The following CCDC85C variants were observed in gnomAD, a reference collection of about 807,000 sequenced individuals.
CCDC85C encodes coiled-coil domain-containing protein 85C.
A neutral mutation model predicts 38.3 loss-of-function variants in CCDC85C; 18 were observed. The ratio of observed to expected loss-of-function variants is 0.47; its 90% CI spans 0.33 to 0.70. CCDC85C has a LOEUF of 0.70. Among genes scored for constraint, CCDC85C ranks in the 30% least tolerant of loss-of-function variants. The pLI is 0.03. For synonymous variants in CCDC85C, 264 were observed against 293.8 expected (o/e 0.90, Z 1.04); for missense variants, 566 against 621.2 (o/e 0.91, Z 0.94).
Position 99,502,633 on chromosome 14 carries a change from G to C in CCDC85C, c.*12613C>G. On this transcript the variant is annotated 3_prime_UTR_variant, in exon 6 of 6. Coordinates refer to ENST00000380243, the MANE Select transcript of CCDC85C (RefSeq NM_001144995.2). ...TGTGATTCATGCTTAGGTCCTCGTAGGGGTATCATAACTGATTCTTTATCC... is the reference window on the plus strand; with the variant it reads ...TGTGATTCATGCTTAGGTCCTCGTACGGGTATCATAACTGATTCTTTATCC... The C allele has an allele frequency of 1.5e-6, 2 of 1,327,806 alleles. No individual in the cohort carries two copies. The highest frequency in any genetic ancestry group is 2.1e-6 in the Non-Finnish European group (2 of 943,936). 82.3% of individuals were successfully genotyped at this position (1,327,806 alleles called of 1,614,324 possible).
In CCDC85C at chr14:99,515,016, A is replaced by G. The variant is rs2139894338; in HGVS notation, c.*230T>C. Reference sequence around the variant, plus strand: ...GTCCGGGCCGCTCTGCTGCAGGAACAGTCGCAGCGTCTCGTCTTCCCAGGT... The same window carrying G: ...GTCCGGGCCGCTCTGCTGCAGGAACGGTCGCAGCGTCTCGTCTTCCCAGGT... On this transcript the variant is annotated 3_prime_UTR_variant, in exon 6 of 6. Transcript: ENST00000380243. 1 of 478,824 alleles carries G rather than the reference A, an allele frequency of 2.1e-6. No individual in the cohort carries two copies. Among genetic ancestry groups the G allele is most frequent in the South Asian group, 2.4e-5 (1 of 41,288 alleles). 29.7% of individuals were successfully genotyped at this position (478,824 alleles called of 1,614,324 possible).
Position 99,503,486 on chromosome 14 carries a change from T to C in CCDC85C, c.*11760A>G, listed in dbSNP as rs986079559. On this transcript the variant is annotated 3_prime_UTR_variant, in exon 6 of 6. Coordinates refer to ENST00000380243, the MANE Select transcript of CCDC85C (RefSeq NM_001144995.2). Reference sequence around the variant, plus strand: ...TTGCCCTGAAAGTTCAGGCTAGAAATAATTTTTGTCCGAGGCTGTTCACAG... The same window carrying C: ...TTGCCCTGAAAGTTCAGGCTAGAAACAATTTTTGTCCGAGGCTGTTCACAG... 1.3e-6 allele frequency: 1 copy of C among 746,726 alleles called. No homozygotes were observed. The highest frequency in any genetic ancestry group is 1.8e-5 in the African/African-American group (1 of 56,302). The allele number at this position is 746,726 out of a possible 1,614,324, so 46.3% of individuals were successfully genotyped here.
Position 99,510,283 on chromosome 14 carries a change from C to G in CCDC85C, c.*4963G>C. On this transcript the variant is annotated 3_prime_UTR_variant, in exon 6 of 6. Transcript: ENST00000380243. ...CCGGCCCCTGTGCACCAGCCACCGC[C>G]GCTGCCACACCGGCCCCCGCCCCCA... The G allele has an allele frequency of 3.2e-6, 5 of 1,566,654 alleles. No individual in the cohort carries two copies. Among genetic ancestry groups the G allele is most frequent in the Non-Finnish European group, 4.3e-6 (5 of 1,156,782 alleles).
intron 1 of CCDC85C, among the ~76,000 whole-genome samples, chr14:99,573,737 C>T: frequency 6.6e-6 from 1 of 152,226 alleles, no homozygotes; most frequent in South Asian, 2.1e-4. Flanking sequence ...CCCCATGACA[C>T]AGGGCAGAGG....
In CCDC85C at chr14:99,569,414, G is replaced by A. The variant is rs1595091707; in HGVS notation, c.794-33326C>T. ...GGGTTCCCTGGATGTCCACACCTGG[G>A]CCCCAGCTCCGCCAGGCTGCCCTGC... On this transcript the variant is annotated intron_variant, in intron 1 of 5. Coordinates refer to ENST00000380243, the MANE Select transcript of CCDC85C (RefSeq NM_001144995.2). The surrounding 1 kb of genome is among the most constrained non-coding windows in gnomAD (Gnocchi z 4.3). Among the ~76,000 whole-genome samples, 1 of 152,230 alleles carries A rather than the reference G, an allele frequency of 6.6e-6. No homozygotes were observed. Among genetic ancestry groups the A allele is most frequent in the South Asian group, 2.1e-4 (1 of 4,810 alleles).
intron 1 of CCDC85C, among the ~76,000 whole-genome samples, chr14:99,554,602 A>G (rs1346012454): frequency 6.6e-6 from 1 of 152,196 alleles, no homozygotes; most frequent in Non-Finnish European, 1.5e-5. Context: ...ACCCCGGTCA[A>G]TGGGAAGCCA....
Position 99,572,951 on chromosome 14 carries a change from G to A in CCDC85C, c.793+30216C>T, listed in dbSNP as rs188510208. ...TCTCTTAGCTCTGAGCCCTGCCTTCGCCTCCTACAAGATAGGATGGCAGCA... is the reference window on the plus strand; with the variant it reads ...TCTCTTAGCTCTGAGCCCTGCCTTCACCTCCTACAAGATAGGATGGCAGCA... On this transcript the variant is annotated intron_variant, in intron 1 of 5. Transcript: ENST00000380243. The surrounding 1 kb of genome is among the most constrained non-coding windows in gnomAD (Gnocchi z 4.4). 9.5e-5 allele frequency: 38 copies of A among 399,242 alleles called. No homozygotes were observed. The highest frequency in any genetic ancestry group is 7.9e-4 in the East Asian group (11 of 13,982). 24.7% of individuals were successfully genotyped at this position (399,242 alleles called of 1,614,324 possible).
At chr14:99,527,573 G>C (rs1001698364) in intron 2 of CCDC85C, among the ~76,000 whole-genome samples, 4 of 152,168 alleles carry the variant, frequency 2.6e-5, no homozygotes, top group African/African-American at 9.7e-5. Context: ...AGTTCACCCA[G>C]CAGCTCCCCA....
rs527384568 is a variant in CCDC85C, at chr14:99,592,009, C to T, written c.793+11158G>A. On this transcript the variant is annotated intron_variant, in intron 1 of 5. Coordinates refer to ENST00000380243, the MANE Select transcript of CCDC85C (RefSeq NM_001144995.2). ...TCAGCCTCCCAAAGTGCTGGAATGA[C>T]AGGCGCGAGCCACCACACCCAGCCA... 7.9e-5 allele frequency among the ~76,000 whole-genome samples: 12 copies of T among 152,308 alleles called. No individual in the cohort carries two copies. In the East Asian group the frequency reaches 2.1e-3, roughly 27 times the overall value.
chr14:99,587,269 C>A (rs1163880278), intron 1 of CCDC85C, among the ~76,000 whole-genome samples: 1 of 152,242 alleles, frequency 6.6e-6, no homozygotes, highest in African/African-American at 2.4e-5. Context: ...GATGAGTCAC[C>A]ATGGCCTGTC....
chr14:99,513,895 C>G lies in CCDC85C; in HGVS notation c.*1351G>C, dbSNP rs912652187. ...CACCCCCTCTAGGCCTTACTTTCCTCACACACACAGTTTTCTATTGCACTT... is the reference window on the plus strand; with the variant it reads ...CACCCCCTCTAGGCCTTACTTTCCTGACACACACAGTTTTCTATTGCACTT... On this transcript the variant is annotated 3_prime_UTR_variant, in exon 6 of 6. Coordinates refer to ENST00000380243, the MANE Select transcript of CCDC85C (RefSeq NM_001144995.2). The G allele has an allele frequency of 1.3e-5, 2 of 152,306 alleles. No individual in the cohort carries two copies. Among genetic ancestry groups the G allele is most frequent in the Non-Finnish European group, 2.9e-5 (2 of 68,104 alleles). 9.4% of individuals were successfully genotyped at this position (152,306 alleles called of 1,614,324 possible).
rs1896860690 is a variant in CCDC85C at position 99,502,577 on chromosome 14, T to TG, written c.*12668dup. On this transcript the variant is annotated 3_prime_UTR_variant, in exon 6 of 6. Transcript: ENST00000380243. ...GTAAACTAAAAATACACACCAGTGT[T>TG]GCACACAACGAAGATGGGGTGAGTT... 1 of 1,196,230 alleles carries TG rather than the reference T, an allele frequency of 8.4e-7. No individual in the cohort carries two copies. Among genetic ancestry groups the TG allele is most frequent in the South Asian group, 1.5e-5 (1 of 65,544 alleles). 74.1% of individuals were successfully genotyped at this position (1,196,230 alleles called of 1,614,324 possible). A position where few individuals can be genotyped will look rare whatever the true frequency, so the allele number is the denominator to read the frequency against.
intron 1 of CCDC85C, among the ~76,000 whole-genome samples, chr14:99,538,756 G>A (rs1254833742): frequency 6.6e-6 from 1 of 152,202 alleles, no homozygotes; most frequent in Non-Finnish European, 1.5e-5. Flanking sequence ...TGAGCAGTCC[G>A]CCCCCTCAGA....
In CCDC85C at chr14:99,514,273, G is replaced by C. The variant is rs1897185074; in HGVS notation, c.*973C>G. 1 of 152,566 alleles carries C rather than the reference G, an allele frequency of 6.6e-6. No homozygotes were observed. Among genetic ancestry groups the C allele is most frequent in the Non-Finnish European group, 1.5e-5 (1 of 68,304 alleles). The allele number at this position is 152,566 out of a possible 1,614,324, so 9.5% of individuals were successfully genotyped here. On this transcript the variant is annotated 3_prime_UTR_variant, in exon 6 of 6. Transcript: ENST00000380243. ...ACAAACTAAAGGCAGAACCTGGCCA[G>C]ACACGCTCCTTCCCAAAAAGAACAG...
At chr14:99,565,052 G>A (rs1294582970) in intron 1 of CCDC85C, among the ~76,000 whole-genome samples, 1 of 152,196 alleles carries the variant, frequency 6.6e-6, no homozygotes, top group African/African-American at 2.4e-5. Context: ...CTCTGATCAT[G>A]CAGCCAGGCG....
chr14:99,522,512 AGAAGAGCCAG>A (rs1897317331), intron 2 of CCDC85C: 3 of 307,060 alleles, frequency 9.8e-6, no homozygotes, highest in African/African-American at 7.0e-5. Flanking sequence ...GAATGAATGA[AGAAGAGCCAG>A]TGAGAGCGAG....
intron 3 of CCDC85C, among the ~76,000 whole-genome samples, chr14:99,521,211 C>G (rs1476212901): frequency 6.6e-6 from 1 of 152,364 alleles, no homozygotes. Flanking sequence ...CACCATGAAA[C>G]AGTTAGAGCC....
At position 99,528,234 on chromosome 14, in the gene CCDC85C, G is replaced by A. The variant is rs530156420; in HGVS notation, c.868-5994C>T. Among the ~76,000 whole-genome samples the A allele has an allele frequency of 7.4e-4, 112 of 152,220 alleles. 1 individual carries two copies. The South Asian group carries it at 0.019, about 26-fold the overall frequency. On this transcript the variant is annotated intron_variant, in intron 2 of 5. Transcript: ENST00000380243. ...CAGCTCTACCTGAAGCCAGCTTCTC[G>A]GGCGGCCGTAGGGGCGGGGCAGCTA...
intron 1 of CCDC85C, among the ~76,000 whole-genome samples, chr14:99,557,708 A>G (rs1898038954): frequency 6.6e-6 from 1 of 152,202 alleles, no homozygotes; most frequent in Non-Finnish European, 1.5e-5. Context: ...TGAGGCCAGG[A>G]GTTCGAGGCC....
Sources: gnomAD v4.1 joint callset for allele counts (sites outside exome capture counted in the v4.1 genomes callset) on GRCh38, gnomAD v4.1.1 for gene constraint, Gnocchi (gnomAD v3.1) non-coding constraint, MANE v1.5 for transcripts, NCBI Gene and HGNC (gene_info 2026-07-23, HGNC 2026-07-21) for gene names.